CEP63: variants seen among roughly 807,000 people sequenced by gnomAD.
CEP63 encodes the protein centrosomal protein of 63 kDa.
A neutral mutation model predicts 89.1 loss-of-function variants in CEP63; 84 were observed. That is an observed-to-expected ratio of 0.94 (90% CI 0.79 to 1.13). The LOEUF is 1.13. Ranked by LOEUF, CEP63 falls within the 50% of genes most tolerant of loss-of-function variation. The pLI, the probability that CEP63 is intolerant of heterozygous loss-of-function variation, is 0.00. For missense variants in CEP63, 838 were observed against 813.3 expected, an observed-to-expected ratio of 1.03 and a Z score of -0.37; for synonymous variants, 267 against 272.5, an observed-to-expected ratio of 0.98 and a Z score of 0.20.
chr3:134,636,530 G>A, the CEP63 span, among the ~76,000 whole-genome samples: 1 of 152,194 alleles, frequency 6.6e-6, no homozygotes, highest in African/African-American at 2.4e-5. Flanking sequence ...GAGCCCACAT[G>A]GAGCACAGCA....
At chr3:134,672,184 A>G in the CEP63 span, among the ~76,000 whole-genome samples, 1 of 152,208 alleles carries the variant, frequency 6.6e-6, no homozygotes. Flanking sequence ...AGTCACTGCC[A>G]TGTGTTCATG....
chr3:134,568,319 T>C (rs1042808873), downstream of CEP63, among the ~76,000 whole-genome samples: 1 of 152,170 alleles, frequency 6.6e-6, no homozygotes, highest in African/African-American at 2.4e-5. Context: ...GGACATGTGT[T>C]TCAGATCCCC....
At chr3:134,655,833 C>G in the CEP63 span, among the ~76,000 whole-genome samples, 1 of 152,200 alleles carries the variant, frequency 6.6e-6, no homozygotes, top group Admixed American at 6.5e-5. Context: ...AAGCCCTGAG[C>G]TGGGCCTTTG....
chr3:134,759,087 A>G, the CEP63 span, among the ~76,000 whole-genome samples: 1 of 152,296 alleles, frequency 6.6e-6, no homozygotes, highest in African/African-American at 2.4e-5. Flanking sequence ...TGGAGAGGGC[A>G]AGGAAACAGA....
the CEP63 span, among the ~76,000 whole-genome samples, chr3:134,687,248 T>G: frequency 2.0e-5 from 3 of 152,264 alleles, no homozygotes; most frequent in East Asian, 5.8e-4. Flanking sequence ...CATTTTCTGA[T>G]ACTCAGCAAG....
the CEP63 span, chr3:134,647,426 A>C: frequency 6.2e-7 from 1 of 1,600,372 alleles, no homozygotes; most frequent in South Asian, 1.1e-5. Flanking sequence ...AAGGAAAAAG[A>C]GAATTTACCG....
In CEP63 at chr3:134,544,333, T is replaced by C. The variant is rs115204494; in HGVS notation, c.556-1253T>C. ...ATTAAAACTTGTAAAAACTAAAAAG[T>C]TTGGAGCTAAAACCCAATACTGCTG... On this transcript the variant is annotated intron_variant, in intron 6 of 14. Coordinates refer to ENST00000675561, the MANE Select transcript of CEP63 (RefSeq NM_001353108.3). Among the ~76,000 whole-genome samples, 1,155 of 152,270 alleles carry C rather than the reference T, an allele frequency of 7.6e-3. 17 individuals are homozygous for C. Among genetic ancestry groups the C allele is most frequent in the African/African-American group, 0.026 (1,098 of 41,558 alleles).
chr3:134,764,030 T>C, the CEP63 span, among the ~76,000 whole-genome samples: 1 of 152,210 alleles, frequency 6.6e-6, no homozygotes, highest in Non-Finnish European at 1.5e-5. Context: ...TCTGTTGGCA[T>C]GAAGAATTTC....
At chr3:134,574,909 T>C in exon 12 of CEP63, 1 of 496,940 alleles carries the variant, frequency 2.0e-6, no homozygotes, top group Non-Finnish European at 3.6e-6. Context: ...CCACTGGCAG[T>C]TAAGAATTTT....
chr3:134,487,343 C>G (rs1359183496), intron 1 of CEP63, among the ~76,000 whole-genome samples: 1 of 152,154 alleles, frequency 6.6e-6, no homozygotes, highest in African/African-American at 2.4e-5. Context: ...AGCTCTGAAA[C>G]TAAATTAGAG....
chr3:134,657,863 G>T, the CEP63 span, among the ~76,000 whole-genome samples: 2 of 152,046 alleles, frequency 1.3e-5, no homozygotes, highest in Non-Finnish European at 2.9e-5. Flanking sequence ...TTGCCATTAT[G>T]ATAATTGATA....
the CEP63 span, chr3:134,607,141 A>G: frequency 2.0e-6 from 2 of 985,422 alleles, no homozygotes; most frequent in South Asian, 9.4e-5. Context: ...GTTCTTTCCG[A>G]TATTTCCACG....
chr3:134,644,403 G>A, the CEP63 span, among the ~76,000 whole-genome samples: 1 of 152,206 alleles, frequency 6.6e-6, no homozygotes, highest in Non-Finnish European at 1.5e-5. Flanking sequence ...GGGGAAGCAT[G>A]ACCTTTCCTC....
At chr3:134,723,287 A>C in the CEP63 span, among the ~76,000 whole-genome samples, 1 of 152,234 alleles carries the variant, frequency 6.6e-6, no homozygotes, top group African/African-American at 2.4e-5. Flanking sequence ...TGTGGATGAC[A>C]GCCATAGCGT....
intron 1 of CEP63, among the ~76,000 whole-genome samples, chr3:134,493,964 T>C (rs1576714327): frequency 6.6e-6 from 1 of 152,136 alleles, no homozygotes; most frequent in East Asian, 1.9e-4. Flanking sequence ...GGTTTGACAT[T>C]GAACATTTTG....
chr3:134,575,600 C>T (rs890426141), downstream of CEP63, among the ~76,000 whole-genome samples: 12 of 136,180 alleles, frequency 8.8e-5, no homozygotes, highest in African/African-American at 2.7e-4. Flanking sequence ...TCCCTTTCTT[C>T]CTTTCTTTCC....
Position 134,562,101 on chromosome 3 carries a change from C to G in CEP63, c.*566C>G, listed in dbSNP as rs376739195. ...CTAAAGAACCTTATCAAGCAGTCCTCTCTTGCTCAACACTCATGCAGAGGA... is the reference window on the plus strand; with the variant it reads ...CTAAAGAACCTTATCAAGCAGTCCTGTCTTGCTCAACACTCATGCAGAGGA... On this transcript the variant is annotated 3_prime_UTR_variant, in exon 15 of 15. Transcript: ENST00000675561. The G allele has an allele frequency of 1.0e-3, 1,008 of 992,384 alleles. 3 individuals are homozygous for G. The highest frequency in any genetic ancestry group is 9.9e-3 in the Middle Eastern group (19 of 1,920). The allele number at this position is 992,384 out of a possible 1,614,324, so 61.5% of individuals were successfully genotyped here. A position where few individuals can be genotyped will look rare whatever the true frequency, so the allele number is the denominator to read the frequency against.
At chr3:134,602,566 C>G in the CEP63 span, among the ~76,000 whole-genome samples, 1 of 152,170 alleles carries the variant, frequency 6.6e-6, no homozygotes, top group East Asian at 1.9e-4. Context: ...AAGTGTGAGT[C>G]TCCTCGGCAT....
chr3:134,638,962 G>A, the CEP63 span, among the ~76,000 whole-genome samples: 1 of 151,654 alleles, frequency 6.6e-6, no homozygotes, highest in African/African-American at 2.4e-5. Flanking sequence ...GTGTGGAGGG[G>A]TCATGGGATT....
Sources: allele counts gnomAD v4.1 joint callset (sites outside exome capture counted in the v4.1 genomes callset), GRCh38; gene constraint gnomAD v4.1.1; transcripts MANE v1.5; gene names NCBI Gene and HGNC (gene_info 2026-07-23, HGNC 2026-07-21).